OLFM2: variants seen among roughly 807,000 people sequenced by gnomAD.
OLFM2 encodes the protein noelin-2.
In OLFM2, 20 loss-of-function variants were observed where a neutral mutation model predicts 43.9. The observed-to-expected ratio is 0.46, with a 90% CI of 0.32 to 0.66. The LOEUF (loss-of-function observed/expected upper bound fraction) is 0.66. OLFM2 is among the 30% of genes least tolerant of loss of function. OLFM2 has a pLI of 0.04. For synonymous variants in OLFM2, 268 were observed against 278.6 expected (o/e 0.96, Z 0.38); for missense variants, 416 against 643.6 (o/e 0.65, Z 3.83).
intron 1 of OLFM2, among the ~76,000 whole-genome samples, chr19:9,865,485 CTTTTTTTTTTTT>C (rs71188847): frequency 2.7e-4 from 20 of 73,654 alleles, no homozygotes; most frequent in South Asian, 6.4e-4. Flanking sequence ...TCTGTTTTTT[CTTTTTTTTTTTT>C]TTTTTTTTTT....
chr19:9,867,188 T>C (rs982456238), intron 1 of OLFM2, among the ~76,000 whole-genome samples: 1 of 152,124 alleles, frequency 6.6e-6, no homozygotes, highest in Non-Finnish European at 1.5e-5. Context: ...CTGGCCAACA[T>C]GGTGAAACCC....
intron 1 of OLFM2, among the ~76,000 whole-genome samples, chr19:9,883,128 T>C (rs2046554845): frequency 6.7e-6 from 1 of 149,068 alleles, no homozygotes; most frequent in African/African-American, 2.5e-5. Context: ...GAGAATCACT[T>C]GAATCCGGGG....
At chr19:9,934,014 T>A (rs560524090) in intron 1 of OLFM2, among the ~76,000 whole-genome samples, 1 of 152,334 alleles carries the variant, frequency 6.6e-6, no homozygotes, top group South Asian at 2.1e-4. Context: ...GATGACTCAG[T>A]TGGTGGCTGT....
chr19:9,899,417 T>C (rs1481990137), intron 1 of OLFM2, among the ~76,000 whole-genome samples: 1 of 152,142 alleles, frequency 6.6e-6, no homozygotes, highest in Non-Finnish European at 1.5e-5. Context: ...CCTCAGGGCC[T>C]CTGCACATGC....
chr19:9,925,273 A>C (rs983836473), intron 1 of OLFM2, among the ~76,000 whole-genome samples: 8 of 152,106 alleles, frequency 5.3e-5, no homozygotes, highest in Admixed American at 3.3e-4. Flanking sequence ...ACAAAACAAA[A>C]AAAGTTATAT....
intron 1 of OLFM2, among the ~76,000 whole-genome samples, chr19:9,928,212 T>TAA (rs5827073): frequency 2.8e-5 from 4 of 141,150 alleles, no homozygotes; most frequent in Admixed American, 7.1e-5. Context: ...CCCTGCGTCT[T>TAA]AAAAAAAAAA....
chr19:9,875,121 C>G (rs578110157), intron 1 of OLFM2, among the ~76,000 whole-genome samples: 1 of 152,222 alleles, frequency 6.6e-6, no homozygotes, highest in Non-Finnish European at 1.5e-5. Context: ...GAAATAAAAG[C>G]TTTTCTCCTT....
At chr19:9,868,215 A>G (rs1355584347) in intron 1 of OLFM2, among the ~76,000 whole-genome samples, 12 of 152,096 alleles carry the variant, frequency 7.9e-5, no homozygotes, top group African/African-American at 2.9e-4. Context: ...GGCACCTGCC[A>G]TTATGCCCGG....
intron 1 of OLFM2, among the ~76,000 whole-genome samples, chr19:9,920,130 G>A (rs2086411153): frequency 6.6e-6 from 1 of 151,950 alleles, no homozygotes; most frequent in Non-Finnish European, 1.5e-5. Context: ...ATTTTTTTAA[G>A]TAGCTGGGCA....
chr19:9,858,090 C>T (rs909772453), intron 2 of OLFM2: 5 of 602,902 alleles, frequency 8.3e-6, no homozygotes, highest in South Asian at 5.4e-5. Context: ...CTACCACCAC[C>T]TCTCACCTCC....
At chr19:9,933,087 G>A (rs912602868) in intron 1 of OLFM2, among the ~76,000 whole-genome samples, 2 of 152,076 alleles carry the variant, frequency 1.3e-5, no homozygotes, top group African/African-American at 4.8e-5. Context: ...CAGGGCCTTT[G>A]CACCTTCTGT....
At chr19:9,922,335 A>G (rs1786822282) in intron 1 of OLFM2, among the ~76,000 whole-genome samples, 1 of 152,178 alleles carries the variant, frequency 6.6e-6, no homozygotes, top group African/African-American at 2.4e-5. Context: ...ATCTGAACAG[A>G]GAAGTGGGCA....
At chr19:9,894,312 G>A (rs2046662950) in intron 1 of OLFM2, among the ~76,000 whole-genome samples, 1 of 150,968 alleles carries the variant, frequency 6.6e-6, no homozygotes, top group South Asian at 2.1e-4. Flanking sequence ...GTAAGTCACG[G>A]CTGCAGTGAA....
At chr19:9,910,673 T>A (rs1055050367) in intron 1 of OLFM2, among the ~76,000 whole-genome samples, 1 of 151,516 alleles carries the variant, frequency 6.6e-6, no homozygotes. Context: ...AGTTGGATAA[T>A]GGATAATGCA....
At chr19:9,867,477 G>T (rs2046411485) in intron 1 of OLFM2, among the ~76,000 whole-genome samples, 1 of 152,210 alleles carries the variant, frequency 6.6e-6, no homozygotes, top group Non-Finnish European at 1.5e-5. Flanking sequence ...TGGCTATCAG[G>T]AAGTAGCCAA....
intron 1 of OLFM2, among the ~76,000 whole-genome samples, chr19:9,912,025 C>G (rs184861550): frequency 1.2e-4 from 19 of 152,322 alleles, no homozygotes; most frequent in Admixed American, 5.2e-4. Context: ...CACCCACACT[C>G]ATTCTGGGAT....
intron 1 of OLFM2, among the ~76,000 whole-genome samples, chr19:9,880,836 A>G (rs1046947897): frequency 6.6e-5 from 10 of 152,068 alleles, no homozygotes; most frequent in African/African-American, 2.4e-4. Context: ...AAACAAACAC[A>G]CATTTCTGCA....
chr19:9,888,521 C>CAAAAAAA (rs33932579), intron 1 of OLFM2, among the ~76,000 whole-genome samples: 1 of 138,670 alleles, frequency 7.2e-6, no homozygotes, highest in African/African-American at 2.7e-5. Flanking sequence ...GACCTTACCT[C>CAAAAAAA]AAAAAAAAAA....
At position 9,886,236 on chromosome 19, in the gene OLFM2, G is replaced by A. The variant is rs186952976; in HGVS notation, c.64-25442C>T. ...TTTTTGTTTTTTGAGACAGAGTTTC[G>A]CTCTTGTTGCCCAGGCTGGAGTACA... On this transcript the variant is annotated intron_variant, in intron 1 of 5. Transcript: ENST00000264833. 3.1e-3 allele frequency among the ~76,000 whole-genome samples: 468 copies of A among 152,126 alleles called. 3 individuals carry two copies. Among genetic ancestry groups the A allele is most frequent in the South Asian group, 0.011 (52 of 4,822 alleles).
Sources: gnomAD v4.1 joint callset for allele counts (sites outside exome capture counted in the v4.1 genomes callset) on GRCh38, gnomAD v4.1.1 for gene constraint, MANE v1.5 for transcripts, NCBI Gene and HGNC (gene_info 2026-07-23, HGNC 2026-07-21) for gene names.